WDFY4: variants seen among roughly 807,000 people sequenced by gnomAD.
The protein encoded by WDFY4 is WDFY family member 4.
In WDFY4, 169 loss-of-function variants were observed where a neutral mutation model predicts 351.9. The observed-to-expected ratio is 0.48, with a 90% confidence interval of 0.42 to 0.55. The LOEUF (loss-of-function observed/expected upper bound fraction) is 0.55, where lower values mean the gene tolerates loss of function less well. Among genes scored for constraint, WDFY4 ranks in the 20% least tolerant of loss-of-function variants. WDFY4 has a pLI of 0.00. For synonymous variants in WDFY4, 1,622 were observed against 1,574.6 expected, an observed-to-expected ratio of 1.03 and a Z score of -0.71; for missense variants, 3,803 against 3,935.6, an observed-to-expected ratio of 0.97 and a Z score of 0.90.
At chr10:48,720,308 G>A (rs1278592652) in intron 3 of WDFY4, among the ~76,000 whole-genome samples, 183 bp downstream of exon 3, 1 of 152,198 alleles carries the variant, frequency 6.6e-6, no homozygotes, top group Non-Finnish European at 1.5e-5. Flanking sequence ...GAGGAGGGAA[G>A]AGGGGTCGGG....
chr10:48,982,529 T>G lies in WDFY4; in HGVS notation c.9509T>G (p.Val3170Gly). 6.5e-7 allele frequency: 1 copy of G among 1,529,836 alleles called. No individual in the cohort carries two copies. Among genetic ancestry groups the G allele is most frequent in the Non-Finnish European group, 8.8e-7 (1 of 1,133,476 alleles). The allele number at this position is 1,529,836 out of a possible 1,614,324, so 94.8% of individuals were successfully genotyped here. A position where few individuals can be genotyped will look rare whatever the true frequency, so the allele number is the denominator to read the frequency against. The part of the protein sequence containing the change: ...AVSRNHTKLL[V>G]GDERGRIFCW... ...CCAAGAAACCACACCAAACTCCTGG[T>G]TGGTGATGAGAGGGGGAGAATATTC... The change falls in exon 62 of 62, where the codon GTT becomes GGT. Residue 3170 changes from valine to glycine, a missense_variant. Transcript: ENST00000325239.
chr10:48,805,913 G>C (rs887384109), intron 26 of WDFY4, 91 bp from the exon 27 acceptor site: 3 of 1,027,076 alleles, frequency 2.9e-6, no homozygotes, highest in Admixed American at 2.0e-5. Context: ...GCAGCTGCAC[G>C]TGGGTGGGTC....
rs139615722 is a variant in WDFY4 at position 48,791,137 on chromosome 10, G to A, written c.4257+220G>A. Among the ~76,000 whole-genome samples, 1,457 of 152,374 alleles carry A rather than the reference G, an allele frequency of 9.6e-3. 33 individuals carry two copies. The highest frequency in any genetic ancestry group is 0.032 in the African/African-American group (1,311 of 41,598). On this transcript the variant is annotated intron_variant, in intron 23 of 61. Transcript: ENST00000325239. ...CTGCTCAGGATGAGGATGCTCACCT[G>A]ATTGTGGCTTCTGGCCCTTTTCACT...
intron 4 of WDFY4, among the ~76,000 whole-genome samples, chr10:48,721,644 C>T (rs1197934836): frequency 6.6e-6 from 1 of 152,078 alleles, no homozygotes; most frequent in Non-Finnish European, 1.5e-5. Flanking sequence ...GATAATAATG[C>T]CTCTCTTCTG....
chr10:48,790,107 G>A, intron 22 of WDFY4, 122 bp downstream of exon 22: 1 of 937,738 alleles, frequency 1.1e-6, no homozygotes, highest in Non-Finnish European at 1.7e-6. Context: ...CCAGGGTCGG[G>A]AGGACCAGAG....
intron 5 of WDFY4, among the ~76,000 whole-genome samples, chr10:48,724,183 G>C (rs2064186764): frequency 6.6e-6 from 1 of 152,116 alleles, no homozygotes; most frequent in Non-Finnish European, 1.5e-5. Flanking sequence ...GAGCTTGCAG[G>C]GGACGGTATG....
intron 47 of WDFY4, among the ~76,000 whole-genome samples, chr10:48,911,871 G>A (rs1200688724): frequency 6.6e-6 from 1 of 152,172 alleles, no homozygotes; most frequent in Non-Finnish European, 1.5e-5. Flanking sequence ...AAATATGATA[G>A]GGTTGTCATA....
intron 39 of WDFY4, among the ~76,000 whole-genome samples, chr10:48,849,824 T>A (rs2068897951): frequency 6.6e-6 from 1 of 152,254 alleles, no homozygotes; most frequent in Admixed American, 6.5e-5. Flanking sequence ...ATTTATCTGC[T>A]AACCCAGAAT....
In WDFY4 at chr10:48,826,869, C is replaced by T. The variant is rs1244595533; in HGVS notation, c.6181C>T (p.Leu2061=). 2 of 1,551,756 alleles carry T rather than the reference C, an allele frequency of 1.3e-6. No homozygotes were observed. The highest frequency in any genetic ancestry group is 1.7e-6 in the Non-Finnish European group (2 of 1,147,016). ...CTACAATTCCAACATCAGCTTCCTC[C>T]TGTGTCTCATGCATTGCCTTTTGCT... is the stretch of plus-strand genomic sequence containing the variant. ...ATYNSNISFL[L]CLMHCLLLLN... The change falls in exon 36 of 62, where the codon CTG becomes TTG. Residue 2061 remains leucine, a synonymous_variant. Coordinates refer to ENST00000325239, the MANE Select transcript of WDFY4 (RefSeq NM_001394531.1).
intron 47 of WDFY4, among the ~76,000 whole-genome samples, chr10:48,915,425 T>C (rs946028580): frequency 6.6e-6 from 1 of 151,178 alleles, no homozygotes; most frequent in Non-Finnish European, 1.5e-5. Context: ...TGATTTTTTT[T>C]TTTGGACCAA....
At chr10:48,900,340 T>C in intron 46 of WDFY4, 34 bp downstream of exon 46, 1 of 1,528,000 alleles carries the variant, frequency 6.5e-7, no homozygotes, top group Non-Finnish European at 8.9e-7. Flanking sequence ...CTGAGGAAAC[T>C]GATCCTGAAC....
chr10:48,877,227 A>G (rs2070054304), intron 43 of WDFY4, 28 bp downstream of exon 43: 1 of 1,535,608 alleles, frequency 6.5e-7, no homozygotes, highest in African/African-American at 1.4e-5. Flanking sequence ...AATAGCCTTT[A>G]AGATTTTTAA....
chr10:48,856,015 TC>T (rs2069120948), intron 39 of WDFY4, among the ~76,000 whole-genome samples: 1 of 152,112 alleles, frequency 6.6e-6, no homozygotes, highest in African/African-American at 2.4e-5. Flanking sequence ...TTGGAACGTG[TC>T]CCCTGAAGGT....
chr10:48,909,339 A>G (rs544346731), intron 47 of WDFY4: 1 of 152,130 alleles, frequency 6.6e-6, no homozygotes, highest in East Asian at 1.9e-4. Flanking sequence ...CTACCTATGC[A>G]CCATTGAAAG....
At chr10:48,835,027 C>T (rs2068335792) in intron 39 of WDFY4, among the ~76,000 whole-genome samples, 1 of 152,170 alleles carries the variant, frequency 6.6e-6, no homozygotes, top group African/African-American at 2.4e-5. Flanking sequence ...GGGCAGGCTG[C>T]TGAAGATTTT....
intron 40 of WDFY4, among the ~76,000 whole-genome samples, chr10:48,868,992 A>G (rs184869263): frequency 2.8e-4 from 42 of 152,330 alleles, no homozygotes; most frequent in African/African-American, 9.1e-4. Flanking sequence ...GACTTGAGAA[A>G]GTTGTGCAAT....
At chr10:48,968,391 G>T (rs371777815) in intron 55 of WDFY4, 1 of 152,454 alleles carries the variant, frequency 6.6e-6, no homozygotes, top group Non-Finnish European at 1.5e-5. Flanking sequence ...CCTATGGGGA[G>T]AGACATCTCA....
Position 48,877,172 on chromosome 10 carries a change from T to C in WDFY4, c.7140T>C (p.Ile2380=). Residue 2380 remains isoleucine (I), a synonymous_variant, in exon 43 of 62, where the codon ATT becomes ATC. Coordinates refer to ENST00000325239, the MANE Select transcript of WDFY4 (RefSeq NM_001394531.1). ...FLELCRERQV[I]LQELLDKEKV... is the part of the protein sequence containing the mutation. ...AACTGTGTCGGGAAAGACAAGTTAT[T>C]TTACAAGAGCTTCTTGATAAAGAAA... The C allele has an allele frequency of 6.4e-7, 1 of 1,551,598 alleles. No individual in the cohort carries two copies. Among genetic ancestry groups the C allele is most frequent in the Non-Finnish European group, 8.7e-7 (1 of 1,146,920 alleles).
At chr10:48,899,094 G>C (rs968490125) in intron 45 of WDFY4, among the ~76,000 whole-genome samples, 1 of 150,922 alleles carries the variant, frequency 6.6e-6, no homozygotes, top group African/African-American at 2.5e-5. Flanking sequence ...AGTACATGGT[G>C]ATTGTTTCCA....
Sources: gnomAD v4.1 joint callset for allele counts (sites outside exome capture counted in the v4.1 genomes callset) on GRCh38, gnomAD v4.1.1 for gene constraint, MANE v1.5 for transcripts, NCBI Gene and HGNC (gene_info 2026-07-23, HGNC 2026-07-21) for gene names.